Variants in PIGC observed in about 807,000 individuals in gnomAD.
PIGC encodes the protein phosphatidylinositol N-acetylglucosaminyltransferase subunit C.
In PIGC, 14 loss-of-function variants were observed where a neutral mutation model predicts 20.9. The ratio of observed to expected loss-of-function variants is 0.67; its 90% confidence interval spans 0.44 to 1.05. The LOEUF (loss-of-function observed/expected upper bound fraction) is 1.05, where lower values mean the gene tolerates loss of function less well. Among genes scored for constraint, PIGC ranks in the 50% least tolerant of loss-of-function variants. The probability of loss-of-function intolerance (pLI) is 0.00; values close to 1 mark genes in which losing one functional copy is unlikely to be tolerated. For missense variants in PIGC, 310 were observed against 360.9 expected, an observed-to-expected ratio of 0.86 and a Z score of 1.14; for synonymous variants, 132 against 141.4, an observed-to-expected ratio of 0.93 and a Z score of 0.47.
rs1016492226 is a variant in PIGC at position 172,444,015 on chromosome 1, G to A, written c.-236C>T. On this transcript the variant is annotated 5_prime_UTR_variant, in exon 1 of 2. Coordinates refer to ENST00000344529, the MANE Select transcript of PIGC (RefSeq NM_153747.2). ...GAGAGTTCCTAGGGTTGCGCAGCTG[G>A]GGGACGGCGGCACCCAGCCTTTTTC... 37 of 1,000,102 alleles carry A rather than the reference G, an allele frequency of 3.7e-5. No homozygotes were observed. The highest frequency in any genetic ancestry group is 4.3e-5 in the Non-Finnish European group (36 of 830,196). 62.0% of individuals were successfully genotyped at this position (1,000,102 alleles called of 1,614,324 possible).
intron 1 of PIGC, chr1:172,443,139 T>C (rs1200875988): frequency 1.2e-5 from 2 of 168,464 alleles, no homozygotes; most frequent in African/African-American, 4.8e-5. Flanking sequence ...AGATTCAAGA[T>C]GCTTAAGTAA....
At position 172,441,624 on chromosome 1, in the gene PIGC, C is replaced by A; in HGVS notation, c.*105G>T. 1.9e-6 allele frequency: 2 copies of A among 1,067,480 alleles called. No individual in the cohort carries two copies. The highest frequency in any genetic ancestry group is 2.7e-6 in the Non-Finnish European group (2 of 749,566). The allele number at this position is 1,067,480 out of a possible 1,614,324, so 66.1% of individuals were successfully genotyped here. ...TTTGGTTTTGATCTCTATTCTCTTA[C>A]CACAATGACATGCTGCTTCCAGAAT... On this transcript the variant is annotated 3_prime_UTR_variant, in exon 2 of 2. Coordinates refer to ENST00000344529, the MANE Select transcript of PIGC (RefSeq NM_153747.2).
In PIGC at chr1:172,442,066, G is replaced by C. The variant is rs140958278; in HGVS notation, c.557C>G (p.Ser186Cys). Residue 186 changes from serine (S) to cysteine (C), a missense_variant, in exon 2 of 2, where the codon TCT becomes TGT. Coordinates refer to ENST00000344529, the MANE Select transcript of PIGC (RefSeq NM_153747.2). ...TLSLNMAIFA[S>C]VCLASRLPRS... ...GGGAAGACGTGATGCCAAGCATACAGAAGCAAAGATGGCCATGTTCAAGGA... is the reference window on the plus strand; with the variant it reads ...GGGAAGACGTGATGCCAAGCATACACAAGCAAAGATGGCCATGTTCAAGGA... 6.3e-5 allele frequency: 102 copies of C among 1,614,244 alleles called. 2 individuals are homozygous for C. The Middle Eastern group carries it at 2.8e-3, about 44-fold the overall frequency.
rs767529715 is a variant in PIGC at position 172,442,539 on chromosome 1, A to C, written c.84T>G (p.Tyr28Ter). ...LYERQPFPDNYVDRRFLEELR... is the reference protein window; with the variant it reads ...LYERQPFPDN ...GCTCTTCCAGGAATCGCCGGTCCACATAGTTATCAGGAAAGGGCTGTCGCT... is the reference window on the plus strand; with the variant it reads ...GCTCTTCCAGGAATCGCCGGTCCACCTAGTTATCAGGAAAGGGCTGTCGCT... The change falls in exon 2 of 2, where the codon TAT becomes TAG. Residue 28 changes from tyrosine to a stop codon, truncating the protein, a stop_gained. Coordinates refer to ENST00000344529, the MANE Select transcript of PIGC (RefSeq NM_153747.2). LOFTEE classifies it high-confidence loss of function. The C allele has an allele frequency of 3.1e-6, 5 of 1,614,180 alleles. No homozygotes were observed. In the South Asian group the frequency reaches 3.3e-5, roughly 11 times the overall value.
chr1:172,441,618 C>T lies in PIGC; in HGVS notation c.*111G>A, dbSNP rs1647314051. 8 of 1,026,750 alleles carry T rather than the reference C, an allele frequency of 7.8e-6. No homozygotes were observed. Among genetic ancestry groups the T allele is most frequent in the Non-Finnish European group, 1.1e-5 (8 of 714,754 alleles). 63.6% of individuals were successfully genotyped at this position (1,026,750 alleles called of 1,614,324 possible). A position where few individuals can be genotyped will look rare whatever the true frequency, so the allele number is the denominator to read the frequency against. ...ATTTTTTTTGGTTTTGATCTCTATTCTCTTACCACAATGACATGCTGCTTC... is the reference window on the plus strand; with the variant it reads ...ATTTTTTTTGGTTTTGATCTCTATTTTCTTACCACAATGACATGCTGCTTC... On this transcript the variant is annotated 3_prime_UTR_variant, in exon 2 of 2. Coordinates refer to ENST00000344529, the MANE Select transcript of PIGC (RefSeq NM_153747.2).
chr1:172,443,485 C>T (rs1160631372), intron 1 of PIGC: 1 of 167,098 alleles, frequency 6.0e-6, no homozygotes, highest in Non-Finnish European at 1.5e-5. Context: ...ATTAGCTGAG[C>T]TTAGCATCCT....
Position 172,441,594 on chromosome 1 carries a change from T to G in PIGC, c.*135A>C. 1.4e-6 allele frequency: 1 copy of G among 714,284 alleles called. No individual in the cohort carries two copies. The allele number at this position is 714,284 out of a possible 1,614,324, so 44.2% of individuals were successfully genotyped here. A position where few individuals can be genotyped will look rare whatever the true frequency, so the allele number is the denominator to read the frequency against. On this transcript the variant is annotated 3_prime_UTR_variant, in exon 2 of 2. Transcript: ENST00000344529. ...CCTCACCACCCAAGCCTTTGGTTCA[T>G]TTTTTTTGGTTTTGATCTCTATTCT... is the stretch of plus-strand genomic sequence containing the variant.
chr1:172,442,276 C>T lies in PIGC; in HGVS notation c.347G>A (p.Arg116Gln), dbSNP rs774960881. Residue 116 changes from arginine (R) to glutamine (Q), a missense_variant, in exon 2 of 2, where the codon CGG (arginine) becomes CAG (glutamine). By Grantham distance (43) the Arg-to-Gln change is conservative. Transcript: ENST00000344529. ...TAGGGCACTCTTCAGGTCAGCCCAC[C>T]GGGTCTGCCCACTCTTCTTCCGCCC... ...GEGRKKSGQT[R>Q]WADLKSALVF... is the part of the protein sequence containing the mutation. The T allele has an allele frequency of 6.8e-6, 11 of 1,613,626 alleles. No homozygotes were observed. Among genetic ancestry groups the T allele is most frequent in the Admixed American group, 3.3e-5 (2 of 60,004 alleles).
intron 1 of PIGC, chr1:172,443,225 T>TCTC (rs1305502703): frequency 6.0e-6 from 1 of 167,610 alleles, no homozygotes; most frequent in East Asian, 1.9e-4. Flanking sequence ...TCACATTGTA[T>TCTC]CTCCCTCTAA....
rs138099737 is a variant in PIGC at position 172,442,686 on chromosome 1, G to A, written c.-64C>T. On this transcript the variant is annotated 5_prime_UTR_variant, in exon 2 of 2. Transcript: ENST00000344529. ...CCTCACAGAAGTCCAGGTGGTTCTT[G>A]TTCTTTATGAAGTTTTGAAATGAGA... 1 of 1,405,318 alleles carries A rather than the reference G, an allele frequency of 7.1e-7. No individual in the cohort carries two copies. The highest frequency in any genetic ancestry group is 1.9e-5 in the Admixed American group (1 of 53,488). 87.1% of individuals were successfully genotyped at this position (1,405,318 alleles called of 1,614,324 possible).
Position 172,441,922 on chromosome 1 carries a change from A to T in PIGC, c.701T>A (p.Leu234His), listed in dbSNP as rs774320812. The T allele has an allele frequency of 6.2e-7, 1 of 1,614,218 alleles. No homozygotes were observed. The highest frequency in any genetic ancestry group is 1.1e-5 in the South Asian group (1 of 91,082). Residue 234 changes from leucine (L) to histidine (H), a missense_variant, in exon 2 of 2, where the codon CTT (leucine) becomes CAT (histidine). Physicochemically the swap from Leu to His is moderately conservative, Grantham distance 99. Coordinates refer to ENST00000344529, the MANE Select transcript of PIGC (RefSeq NM_153747.2). ...TPRSYVGVTL[L>H]FAFSAVGGLL... is the part of the protein sequence containing the mutation. ...GCCTCCCACGGCTGAAAATGCAAAA[A>T]GCAGTGTGACCCCCACATAGCTCCG...
intron 1 of PIGC, 133 bp downstream of exon 1, chr1:172,443,855 T>C (rs3213563): frequency 0.53 from 301,024 of 570,612 alleles, 84,256 homozygotes; most frequent in East Asian, 0.65. Context: ...CCTTCACTCT[T>C]CTGGCACCCC....
rs528332673 is a variant in PIGC, at chr1:172,442,333, T to G, written c.290A>C (p.Tyr97Ser). 6.2e-7 allele frequency: 1 copy of G among 1,613,110 alleles called. No individual in the cohort carries two copies. Among genetic ancestry groups the G allele is most frequent in the East Asian group, 2.2e-5 (1 of 44,878 alleles). The change falls in exon 2 of 2, where the codon TAT becomes TCT. Residue 97 changes from tyrosine (Y) to serine (S), a missense_variant. Transcript: ENST00000344529. ...GTGLASSLIG[Y>S]VLFDLIDGGE... Reference sequence around the variant, plus strand: ...TCCATCAATGAGATCAAACAAAACATACCCAATCAGTGAAGAAGCCAGACC... The same window carrying G: ...TCCATCAATGAGATCAAACAAAACAGACCCAATCAGTGAAGAAGCCAGACC...
chr1:172,443,928 G>A, intron 1 of PIGC, 60 bp downstream of exon 1: 2 of 987,298 alleles, frequency 2.0e-6, no homozygotes, highest in Non-Finnish European at 2.4e-6. Flanking sequence ...TTGGGTCTGC[G>A]GGAGGCAGCA....
At chr1:172,443,874 T>G in intron 1 of PIGC, 114 bp downstream of exon 1, 3 of 804,900 alleles carry the variant, frequency 3.7e-6, no homozygotes, top group Non-Finnish European at 4.6e-6. Flanking sequence ...CCATTTGGCT[T>G]TTTGGGTGGG....
intron 1 of PIGC, chr1:172,443,615 T>C (rs1488401700): frequency 6.0e-6 from 1 of 166,942 alleles, no homozygotes; most frequent in Non-Finnish European, 1.5e-5. Context: ...TCCGGCAAAT[T>C]TGAGAAAAAA....
rs899981486 is a variant in PIGC at position 172,444,013 on chromosome 1, T to G, written c.-234A>C. The G allele has an allele frequency of 3.0e-6, 3 of 1,000,092 alleles. No homozygotes were observed. The highest frequency in any genetic ancestry group is 1.1e-4 in the East Asian group (1 of 8,832). 62.0% of individuals were successfully genotyped at this position (1,000,092 alleles called of 1,614,324 possible). A position where few individuals can be genotyped will look rare whatever the true frequency, so the allele number is the denominator to read the frequency against. On this transcript the variant is annotated 5_prime_UTR_variant, in exon 1 of 2. Coordinates refer to ENST00000344529, the MANE Select transcript of PIGC (RefSeq NM_153747.2). ...CCGAGAGTTCCTAGGGTTGCGCAGC[T>G]GGGGGACGGCGGCACCCAGCCTTTT...
rs1337735407 is a variant in PIGC, at chr1:172,441,592, C to A, written c.*137G>T. 8 of 752,148 alleles carry A rather than the reference C, an allele frequency of 1.1e-5. No individual in the cohort carries two copies. The highest frequency in any genetic ancestry group is 1.8e-5 in the African/African-American group (1 of 57,118). 46.6% of individuals were successfully genotyped at this position (752,148 alleles called of 1,614,324 possible). A position where few individuals can be genotyped will look rare whatever the true frequency, so the allele number is the denominator to read the frequency against. On this transcript the variant is annotated 3_prime_UTR_variant, in exon 2 of 2. Coordinates refer to ENST00000344529, the MANE Select transcript of PIGC (RefSeq NM_153747.2). Reference sequence around the variant, plus strand: ...ACCCTCACCACCCAAGCCTTTGGTTCATTTTTTTTGGTTTTGATCTCTATT... The same window carrying A: ...ACCCTCACCACCCAAGCCTTTGGTTAATTTTTTTTGGTTTTGATCTCTATT...
chr1:172,442,523 G>A lies in PIGC; in HGVS notation c.100C>T (p.Leu34=). 1 of 1,614,192 alleles carries A rather than the reference G, an allele frequency of 6.2e-7. No individual in the cohort carries two copies. Residue 34 remains leucine, a synonymous_variant, in exon 2 of 2, where the codon CTG becomes TTG. Coordinates refer to ENST00000344529, the MANE Select transcript of PIGC (RefSeq NM_153747.2). ...FPDNYVDRRF[L]EELRKNIHAR... ...TGGATGTTTTTCCGGAGCTCTTCCA[G>A]GAATCGCCGGTCCACATAGTTATCA... is the stretch of plus-strand genomic sequence containing the variant.
Sources: allele counts gnomAD v4.1 joint callset, GRCh38; gene constraint gnomAD v4.1.1; transcripts MANE v1.5; gene names NCBI Gene and HGNC (gene_info 2026-07-23, HGNC 2026-07-21).